The following CPEB2 variants were observed in gnomAD, a reference collection of about 807,000 sequenced individuals.
CPEB2 encodes cytoplasmic polyadenylation element binding protein 2, also known as cytoplasmic polyadenylation element-binding protein 2.
Under a neutral mutation model 93.6 loss-of-function variants are expected in CPEB2, and 56 were observed. The ratio of observed to expected loss-of-function variants is 0.60; its 90% CI spans 0.48 to 0.75. CPEB2 has a LOEUF of 0.75. Among genes scored for constraint, CPEB2 ranks in the 30% least tolerant of loss-of-function variants. The pLI is 0.00. For missense variants in CPEB2, 1,579 were observed against 1,395.1 expected (o/e 1.13, Z -2.10); for synonymous variants, 764 against 586.3 (o/e 1.30, Z -4.38).
intron 5 of CPEB2, among the ~76,000 whole-genome samples, chr4:15,037,040 C>T (rs1223518350): frequency 3.3e-5 from 5 of 152,044 alleles, no homozygotes; most frequent in Non-Finnish European, 5.9e-5. Context: ...CAATGGCTCA[C>T]GCCTGTAATC....
intron 6 of CPEB2, among the ~76,000 whole-genome samples, chr4:15,041,606 T>C (rs1050249496): frequency 2.0e-5 from 3 of 152,238 alleles, no homozygotes; most frequent in South Asian, 4.1e-4. Context: ...TTTCTCCATG[T>C]TGGCCCGTCT....
rs1722259366 is a variant in CPEB2, at chr4:15,003,373, C to T, written c.700C>T (p.Gln234Ter). 7.2e-7 allele frequency: 1 copy of T among 1,385,882 alleles called. No individual in the cohort carries two copies. Among genetic ancestry groups the T allele is most frequent in the Non-Finnish European group, 9.2e-7 (1 of 1,082,620 alleles). 85.8% of individuals were successfully genotyped at this position (1,385,882 alleles called of 1,614,324 possible). A position where few individuals can be genotyped will look rare whatever the true frequency, so the allele number is the denominator to read the frequency against. ...TCAGCGCCAGCAGCAACAGCCGCCG[C>T]AGCAGTTCAGCCTCCTGCATCAGCA... is the stretch of plus-strand genomic sequence containing the variant. ...LAQRQQQQPPQQFSLLHQQHL... is the reference protein window; with the variant it reads ...LAQRQQQQPP The change falls in exon 1 of 12, where the codon CAG becomes TAG. Residue 234 changes from glutamine (Q) to a stop codon, truncating the protein, a stop_gained. Coordinates refer to ENST00000538197, the MANE Select transcript of CPEB2 (RefSeq NM_001177382.2). LOFTEE classifies it high-confidence loss of function.
chr4:15,007,385 T>C lies in CPEB2; in HGVS notation c.1743T>C (p.His581=), dbSNP rs148377470. Residue 581 remains histidine (H), a synonymous_variant, in exon 2 of 12, where the codon CAT becomes CAC. Coordinates refer to ENST00000538197, the MANE Select transcript of CPEB2 (RefSeq NM_001177382.2). ...GAAGTATGTCCTGGGGAGCAATGCATGGCAGAGATCATCGTAGAACCGGAA... is the reference window on the plus strand; with the variant it reads ...GAAGTATGTCCTGGGGAGCAATGCACGGCAGAGATCATCGTAGAACCGGAA... ...GTGSMSWGAM[H]GRDHRRTGNM... 1.0e-4 allele frequency: 166 copies of C among 1,613,564 alleles called. 1 individual carries two copies. The African/African-American group carries it at 1.6e-3, about 15-fold the overall frequency.
chr4:15,038,944 A>G (rs942358416), intron 5 of CPEB2, among the ~76,000 whole-genome samples: 3 of 147,812 alleles, frequency 2.0e-5, no homozygotes, highest in African/African-American at 7.3e-5. Context: ...CTGATTTTTC[A>G]GTTGATCTCC....
intron 8 of CPEB2, among the ~76,000 whole-genome samples, chr4:15,054,576 T>C (rs1728541307): frequency 6.6e-6 from 1 of 152,172 alleles, no homozygotes; most frequent in African/African-American, 2.4e-5. Context: ...ATAAATAATT[T>C]AGATAAAAGA....
chr4:15,055,361 A>T (rs1728615901), intron 8 of CPEB2, among the ~76,000 whole-genome samples: 1 of 152,208 alleles, frequency 6.6e-6, no homozygotes, highest in African/African-American at 2.4e-5. Flanking sequence ...AAACCTTGGT[A>T]TAGACAGGAA....
intron 6 of CPEB2, among the ~76,000 whole-genome samples, chr4:15,050,820 C>G: frequency 6.6e-6 from 1 of 152,242 alleles, no homozygotes; most frequent in East Asian, 1.9e-4. Flanking sequence ...CATCATTTCT[C>G]GCTGGAGTGT....
At chr4:15,014,587 C>T (rs1468107470) in intron 3 of CPEB2, among the ~76,000 whole-genome samples, 4 of 151,960 alleles carry the variant, frequency 2.6e-5, no homozygotes, top group Non-Finnish European at 5.9e-5. Context: ...CTACCTGTTC[C>T]GTTGAGGATT....
chr4:15,063,581 A>C lies in CPEB2; in HGVS notation c.2877+1321A>C, dbSNP rs1729409515. On this transcript the variant is annotated intron_variant, in intron 11 of 11. Transcript: ENST00000538197. ...GGTTATAAAGCTCCGGAAGTGACAC[A>C]AATGTACAGCAGTGGTTTAGACCGC... is the stretch of plus-strand genomic sequence containing the variant. Among the ~76,000 whole-genome samples the C allele has an allele frequency of 2.0e-5, 3 of 152,250 alleles. No individual in the cohort carries two copies. In the East Asian group the frequency reaches 5.8e-4, roughly 29 times the overall value.
intron 6 of CPEB2, 33 bp from the exon 7 acceptor site, chr4:15,052,381 T>G (rs1311573798): frequency 9.1e-6 from 12 of 1,319,380 alleles, no homozygotes; most frequent in Non-Finnish European, 1.2e-5. Flanking sequence ...TTCTCAGATC[T>G]GAGATTCAAG....
rs932243326 is a variant in CPEB2 at position 15,003,339 on chromosome 4, G to A, written c.666G>A (p.Ala222=). 6 of 1,399,508 alleles carry A rather than the reference G, an allele frequency of 4.3e-6. No homozygotes were observed. The highest frequency in any genetic ancestry group is 5.5e-6 in the Non-Finnish European group (6 of 1,090,446). The allele number at this position is 1,399,508 out of a possible 1,614,324, so 86.7% of individuals were successfully genotyped here. A position where few individuals can be genotyped will look rare whatever the true frequency, so the allele number is the denominator to read the frequency against. ...PPPAGPLLQP[A]QLAQRQQQQP... ...CAGCCGGCCCGCTCCTCCAGCCGGCGCAGCTCGCTCAGCGCCAGCAGCAAC... is the reference window on the plus strand; with the variant it reads ...CAGCCGGCCCGCTCCTCCAGCCGGCACAGCTCGCTCAGCGCCAGCAGCAAC... The change falls in exon 1 of 12, where the codon GCG becomes GCA. Residue 222 remains alanine (A), a synonymous_variant. Coordinates refer to ENST00000538197, the MANE Select transcript of CPEB2 (RefSeq NM_001177382.2).
chr4:15,007,523 A>C lies in CPEB2; in HGVS notation c.1881A>C (p.Lys627Asn). Residue 627 changes from lysine (K) to asparagine (N), a missense_variant, in exon 2 of 12, where the codon AAA becomes AAC. Lys to Asn is a moderately conservative substitution (Grantham distance 94). This residue lies in a region of CPEB2 where 1,411 missense variants were observed against 1,056.0 expected (regional missense o/e 1.34). Transcript: ENST00000538197. ...FTRSTPSLTP[K>N]SWIEDNVFRT... ...GCTCAACTCCATCACTGACTCCAAA[A>C]TCTTGGATTGAAGATAATGTGTTCA... The C allele has an allele frequency of 6.2e-7, 1 of 1,613,920 alleles. No individual in the cohort carries two copies. The highest frequency in any genetic ancestry group is 8.5e-7 in the Non-Finnish European group (1 of 1,179,800).
intron 9 of CPEB2, 83 bp from the exon 10 acceptor site, chr4:15,059,104 C>T: frequency 1.4e-6 from 1 of 701,016 alleles, no homozygotes; most frequent in East Asian, 2.7e-5. Context: ...ATAAAAGAAT[C>T]ACTATTAACT....
rs1490288866 is a variant in CPEB2, at chr4:15,066,411, A to G, written c.*31A>G. The G allele has an allele frequency of 1.3e-5, 20 of 1,488,026 alleles. No individual in the cohort carries two copies. Among genetic ancestry groups the G allele is most frequent in the Non-Finnish European group, 1.8e-5 (19 of 1,084,404 alleles). The allele number at this position is 1,488,026 out of a possible 1,614,324, so 92.2% of individuals were successfully genotyped here. ...GCAAACTGGCCTCTGTTTAACAAGG[A>G]AAGAAAGGGTGCATGTGGCTTACTG... On this transcript the variant is annotated 3_prime_UTR_variant, in exon 12 of 12. Transcript: ENST00000538197.
rs540989766 is a variant in CPEB2 at position 15,009,906 on chromosome 4, C to T, written c.2034+1479C>T. Among the ~76,000 whole-genome samples the T allele has an allele frequency of 3.3e-4, 51 of 152,302 alleles. No individual in the cohort carries two copies. In the South Asian group the frequency reaches 0.011, roughly 32 times the overall value. ...CTCCGGGGCTGCCCTCCCACTTAGA[C>T]TTCAATCAAAGCTATTCTGCTTTTA... On this transcript the variant is annotated intron_variant, in intron 3 of 11. Coordinates refer to ENST00000538197, the MANE Select transcript of CPEB2 (RefSeq NM_001177382.2).
chr4:15,056,869 C>T (rs992574764), intron 8 of CPEB2, among the ~76,000 whole-genome samples: 1 of 152,024 alleles, frequency 6.6e-6, no homozygotes, highest in African/African-American at 2.4e-5. Context: ...TAATGACTTG[C>T]ATCAGGTAAG....
chr4:15,036,174 T>TA (rs528030850), intron 5 of CPEB2, among the ~76,000 whole-genome samples: 1 of 152,096 alleles, frequency 6.6e-6, no homozygotes, highest in African/African-American at 2.4e-5. Context: ...ATATATTTTT[T>TA]AAAAAAGAGG....
intron 3 of CPEB2, among the ~76,000 whole-genome samples, chr4:15,008,672 ATTAT>A (rs1176215148): frequency 6.6e-6 from 1 of 152,204 alleles, no homozygotes; most frequent in Non-Finnish European, 1.5e-5. Context: ...GGAAAAAGGA[ATTAT>A]ATACACAAGA....
chr4:15,054,174 T>C lies in CPEB2; in HGVS notation c.2418T>C (p.Asp806=), dbSNP rs1204581464. Residue 806 remains aspartate (D), a synonymous_variant, in exon 8 of 12, where the codon GAT becomes GAC. Coordinates refer to ENST00000538197, the MANE Select transcript of CPEB2 (RefSeq NM_001177382.2). ...GAAGATTTGGGCCTTTGGTAGTAGATTGGCCTCATAAAGCAGAAAGCAAGT... is the reference window on the plus strand; with the variant it reads ...GAAGATTTGGGCCTTTGGTAGTAGACTGGCCTCATAAAGCAGAAAGCAAGT... ...SFRRFGPLVV[D]WPHKAESKSY... 3.1e-6 allele frequency: 5 copies of C among 1,611,370 alleles called. No individual in the cohort carries two copies. Among genetic ancestry groups the C allele is most frequent in the Non-Finnish European group, 3.4e-6 (4 of 1,178,938 alleles).
Sources: allele counts gnomAD v4.1 joint callset (sites outside exome capture counted in the v4.1 genomes callset), GRCh38; gene constraint gnomAD v4.1.1; regional missense constraint gnomAD v4.1.1; transcripts MANE v1.5; gene names NCBI Gene and HGNC (gene_info 2026-07-23, HGNC 2026-07-21).